Variants in DLGAP2 observed in about 807,000 individuals in gnomAD.
The protein encoded by DLGAP2 is disks large-associated protein 2.
A neutral mutation model predicts 100.3 loss-of-function variants in DLGAP2; 26 were observed. The observed-to-expected ratio is 0.26, with a 90% confidence interval of 0.19 to 0.36. The LOEUF (loss-of-function observed/expected upper bound fraction) is 0.36, where lower values mean the gene tolerates loss of function less well. DLGAP2 is among the 10% of genes least tolerant of loss of function. The pLI, the probability that DLGAP2 is intolerant of heterozygous loss-of-function variation, is 1.00. For synonymous variants in DLGAP2, 886 were observed against 630.1 expected, an observed-to-expected ratio of 1.41 and a Z score of -6.08; for missense variants, 1,858 against 1,453.2, an observed-to-expected ratio of 1.28 and a Z score of -4.53.
chr8:1,691,873 A>AATCTTAGAAGAGGAGAAACAAGGGAAAT (rs1799271028), intron 13 of DLGAP2, among the ~76,000 whole-genome samples: 1 of 83,868 alleles, frequency 1.2e-5, no homozygotes, highest in African/African-American at 5.0e-5. Context: ...AGGGAGGCGG[A>AATCTTAGAAGAGGAGAAACAAGGGAAAT]TACGGCCCTG....
intron 2 of DLGAP2, among the ~76,000 whole-genome samples, chr8:1,202,310 G>GTGTT (rs1797896728): frequency 6.6e-6 from 1 of 151,730 alleles, no homozygotes. Flanking sequence ...GTGTGTGTGT[G>GTGTT]TGTATGTACT....
chr8:1,262,111 A>T (rs932940763), intron 3 of DLGAP2, among the ~76,000 whole-genome samples: 1 of 152,218 alleles, frequency 6.6e-6, no homozygotes, highest in Non-Finnish European at 1.5e-5. Context: ...CTTTGGATAC[A>T]GATGGAATAA....
At chr8:1,650,530 C>G (rs987524874) in intron 8 of DLGAP2, among the ~76,000 whole-genome samples, 1 of 152,200 alleles carries the variant, frequency 6.6e-6, no homozygotes, top group Non-Finnish European at 1.5e-5. Flanking sequence ...CTAAAACACC[C>G]GTGTTATCTG....
In DLGAP2 at chr8:1,530,162, G is replaced by A. The variant is rs145682314; in HGVS notation, c.173-18464G>A. On this transcript the variant is annotated intron_variant, in intron 4 of 14. Coordinates refer to ENST00000637795, the MANE Select transcript of DLGAP2 (RefSeq NM_001346810.2). Reference sequence around the variant, plus strand: ...GAATTTCCTCTTCCTAATAAGCCTGGGAGCACTATGGGAGACTGGGGTCTA... The same window carrying A: ...GAATTTCCTCTTCCTAATAAGCCTGAGAGCACTATGGGAGACTGGGGTCTA... 2.5e-3 allele frequency among the ~76,000 whole-genome samples: 374 copies of A among 152,210 alleles called. 1 individual carries two copies. Among genetic ancestry groups the A allele is most frequent in the African/African-American group, 8.3e-3 (346 of 41,536 alleles).
chr8:1,416,113 T>C (rs570219641), intron 3 of DLGAP2, among the ~76,000 whole-genome samples: 1 of 152,298 alleles, frequency 6.6e-6, no homozygotes, highest in African/African-American at 2.4e-5. Context: ...TAATATCTGC[T>C]TGAGGTGCTA....
At chr8:864,371 A>T (rs1008049435) in intron 1 of DLGAP2, among the ~76,000 whole-genome samples, 3 of 152,164 alleles carry the variant, frequency 2.0e-5, no homozygotes, top group East Asian at 1.9e-4. Flanking sequence ...AAAGTAGGAG[A>T]TGATGGAAAC....
At chr8:1,686,842 T>C (rs1038612247) in intron 12 of DLGAP2, among the ~76,000 whole-genome samples, 1 of 152,204 alleles carries the variant, frequency 6.6e-6, no homozygotes, top group African/African-American at 2.4e-5. Context: ...GTTAATAATG[T>C]ATCATGTATT....
intron 6 of DLGAP2, among the ~76,000 whole-genome samples, chr8:1,618,911 A>C (rs914450108): frequency 6.6e-6 from 1 of 152,164 alleles, no homozygotes; most frequent in Non-Finnish European, 1.5e-5. Context: ...GGCAAACTCA[A>C]AATATCTCCA....
At chr8:1,599,115 T>C (rs570118484) in intron 6 of DLGAP2, among the ~76,000 whole-genome samples, 1 of 152,352 alleles carries the variant, frequency 6.6e-6, no homozygotes, top group South Asian at 2.1e-4. Flanking sequence ...TCCCTTAATT[T>C]CGTTATTTAC....
chr8:866,638 C>T (rs1021811602), intron 1 of DLGAP2, among the ~76,000 whole-genome samples: 3 of 152,316 alleles, frequency 2.0e-5, no homozygotes, highest in Non-Finnish European at 2.9e-5. Flanking sequence ...CATCGGGAAG[C>T]GCTTGCTGCC....
At chr8:1,303,295 G>A (rs1176466851) in intron 3 of DLGAP2, among the ~76,000 whole-genome samples, 1 of 152,022 alleles carries the variant, frequency 6.6e-6, no homozygotes, top group Non-Finnish European at 1.5e-5. Context: ...TACTCGGGAG[G>A]CTGAGGCAGG....
rs10646663 is a variant in DLGAP2 at position 1,577,567 on chromosome 8, CAAAAA to C, written c.1442+11692_1442+11696del. Among the ~76,000 whole-genome samples the C allele has an allele frequency of 5.9e-3, 619 of 105,796 alleles. 1 individual carries two copies. Among genetic ancestry groups the C allele is most frequent in the African/African-American group, 0.017 (427 of 25,282 alleles). The allele number at this position is 105,796 out of a possible 152,430, so 69.4% of individuals were successfully genotyped here. Reference sequence around the variant, plus strand: ...TGGGCCACAGAATTACACTCTCTCTCAAAAAAAAAAAAAAAAAAAAAAATTTAAAG... The same window carrying C: ...TGGGCCACAGAATTACACTCTCTCTCAAAAAAAAAAAAAAAAAATTTAAAG... On this transcript the variant is annotated intron_variant, in intron 6 of 14. Transcript: ENST00000637795.
intron 2 of DLGAP2, among the ~76,000 whole-genome samples, chr8:1,038,522 TGA>T (rs1802199045): frequency 1.3e-5 from 2 of 152,240 alleles, no homozygotes; most frequent in African/African-American, 4.8e-5. Context: ...GAATAATTCT[TGA>T]GCAACATTTT....
chr8:1,282,417 C>A (rs1197645337), intron 3 of DLGAP2, among the ~76,000 whole-genome samples: 1 of 133,184 alleles, frequency 7.5e-6, no homozygotes, highest in Non-Finnish European at 1.6e-5. Context: ...GAACCCAGCG[C>A]CCTGAACCAT....
rs1799151739 is a variant in DLGAP2, at chr8:1,255,009, GGGCGCTGTGTGTGTGTCTTCTCC to G, written c.74-3841_74-3819del. On this transcript the variant is annotated intron_variant, in intron 2 of 14. Coordinates refer to ENST00000637795, the MANE Select transcript of DLGAP2 (RefSeq NM_001346810.2). ...GTGTGTGTGTCCTCTCATCCTGCTT[GGGCGCTGTGTGTGTGTCTTCTCC>G]TGCCCAGCCGCTGTGTGTGTGTCCT... Among the ~76,000 whole-genome samples the G allele has an allele frequency of 2.9e-5, 3 of 103,632 alleles. No homozygotes were observed. In the Admixed American group the frequency reaches 2.9e-4, roughly 10 times the overall value. 68.0% of individuals were successfully genotyped at this position (103,632 alleles called of 152,430 possible). A position where few individuals can be genotyped will look rare whatever the true frequency, so the allele number is the denominator to read the frequency against.
chr8:1,507,103 C>A (rs1799947280), intron 4 of DLGAP2, among the ~76,000 whole-genome samples: 1 of 152,254 alleles, frequency 6.6e-6, no homozygotes, highest in South Asian at 2.1e-4. Context: ...CAGCTGGCTT[C>A]ACCTAGCGGA....
chr8:1,386,283 A>G lies in DLGAP2; in HGVS notation c.107-115083A>G, dbSNP rs144709017. Among the ~76,000 whole-genome samples the G allele has an allele frequency of 1.2e-3, 190 of 152,306 alleles. 3 individuals carry two copies. Among genetic ancestry groups the G allele is most frequent in the African/African-American group, 4.3e-3 (178 of 41,572 alleles). On this transcript the variant is annotated intron_variant, in intron 3 of 14. Transcript: ENST00000637795. Reference sequence around the variant, plus strand: ...CAATTCTAGAAAAATCACCAGACCCAAAGTCGGTGAGATTATAGATGGCAG... The same window carrying G: ...CAATTCTAGAAAAATCACCAGACCCGAAGTCGGTGAGATTATAGATGGCAG...
intron 1 of DLGAP2, among the ~76,000 whole-genome samples, chr8:881,595 G>T (rs1797794225): frequency 7.0e-6 from 1 of 142,630 alleles, no homozygotes; most frequent in Non-Finnish European, 1.5e-5. Flanking sequence ...CACCTCCTGG[G>T]TTCAAGCAGT....
chr8:1,564,054 C>G (rs1226669997), intron 5 of DLGAP2, among the ~76,000 whole-genome samples: 2 of 152,120 alleles, frequency 1.3e-5, no homozygotes, highest in African/African-American at 4.8e-5. Flanking sequence ...TATGTTAGTT[C>G]CTTGACTACA....
Sources: gnomAD v4.1 joint callset for allele counts (sites outside exome capture counted in the v4.1 genomes callset) on GRCh38, gnomAD v4.1.1 for gene constraint, MANE v1.5 for transcripts, NCBI Gene and HGNC (gene_info 2026-07-23, HGNC 2026-07-21) for gene names.